KLHL13: variants seen among roughly 807,000 people sequenced by gnomAD.
The protein encoded by KLHL13 is kelch like family member 13.
KLHL13 carries 10 observed loss-of-function variants against 37.1 expected under a neutral mutation model. The ratio of observed to expected loss-of-function variants is 0.27; its 90% CI spans 0.17 to 0.46. The LOEUF (loss-of-function observed/expected upper bound fraction) is 0.46. Among genes scored for constraint, KLHL13 ranks in the 20% least tolerant of loss-of-function variants. The pLI is 1.00. For missense variants in KLHL13, 360 were observed against 509.3 expected (o/e 0.71, Z 2.82); for synonymous variants, 163 against 181.2 (o/e 0.90, Z 0.81).
intron 1 of KLHL13, among the ~76,000 whole-genome samples, chrX:118,010,852 C>A (rs1438381619): frequency 1.8e-5 from 2 of 110,470 alleles, no homozygotes; most frequent in Admixed American, 9.6e-5. Context: ...GTGGGTGAAT[C>A]ACTTGAGCCC....
chrX:117,978,793 C>CT (rs35977053), intron 1 of KLHL13, among the ~76,000 whole-genome samples: 1,853 of 83,601 alleles, frequency 0.022, 21 homozygotes, highest in Non-Finnish European at 0.034. Context: ...TATGGCTTTT[C>CT]TTTTTTTTTT....
chrX:117,909,709 T>G lies in KLHL13; in HGVS notation c.958A>C (p.Met320Leu), dbSNP rs774962583. The change falls in exon 5 of 7, where the codon ATG (methionine) becomes CTG (leucine). Residue 320 changes from methionine to leucine, a missense_variant. Met to Leu is a conservative substitution (Grantham distance 15, BLOSUM62 2). Transcript: ENST00000262820. ...ATAACTGGCTGCATATATGGCATCA[T>G]TTGGTAATTGCTGGCTTCCAAAAGC... 2.5e-6 allele frequency: 3 copies of G among 1,212,220 alleles called. No homozygotes were observed. In the African/African-American group the frequency reaches 5.2e-5, roughly 21 times the overall value.
chrX:117,983,582 T>C (rs1003567278), intron 1 of KLHL13: 2 of 965,208 alleles, frequency 2.1e-6, no homozygotes, highest in Non-Finnish European at 2.8e-6. Flanking sequence ...TGGTTAATTG[T>C]AGTTTTATTA....
At chrX:117,978,346 T>C (rs148985275), upstream of KLHL13, among the ~76,000 whole-genome samples, 163 of 111,862 alleles carry the variant, frequency 1.5e-3, 2 homozygotes, top group African/African-American at 5.1e-3. Context: ...ATCTGTAACA[T>C]TTCCTTAAGA....
chrX:118,031,681 A>T (rs1421207185), intron 1 of KLHL13, among the ~76,000 whole-genome samples: 4 of 101,838 alleles, frequency 3.9e-5, no homozygotes, highest in African/African-American at 1.4e-4. Context: ...TATAACTAAA[A>T]TTTTTAGCCA....
chrX:117,906,285 G>A (rs922525619), intron 5 of KLHL13, among the ~76,000 whole-genome samples: 3 of 111,707 alleles, frequency 2.7e-5, no homozygotes, highest in African/African-American at 6.5e-5. Flanking sequence ...CTGCTATTCT[G>A]CAAAAACAAT....
At chrX:118,041,093 G>A (rs771959175) in intron 1 of KLHL13, among the ~76,000 whole-genome samples, 9 of 112,314 alleles carry the variant, frequency 8.0e-5, no homozygotes, top group Non-Finnish European at 1.7e-4. Flanking sequence ...GAAAGAAAAG[G>A]ATATTATTGA....
chrX:118,054,377 C>T (rs1022533764), intron 1 of KLHL13, among the ~76,000 whole-genome samples: 1 of 111,071 alleles, frequency 9.0e-6, no homozygotes, highest in African/African-American at 3.3e-5. Context: ...CCAAGTAACT[C>T]TTGAAATCTA....
rs2054296400 is a variant in KLHL13 at position 118,028,316 on chromosome X, ATACT to A, written c.-55-82745_-55-82742del. 6 of 477,927 alleles carry A rather than the reference ATACT, an allele frequency of 1.3e-5. No individual in the cohort carries two copies. In the East Asian group the frequency reaches 1.9e-4, roughly 15 times the overall value. 39.4% of individuals were successfully genotyped at this position (477,927 alleles called of 1,213,427 possible). A position where few individuals can be genotyped will look rare whatever the true frequency, so the allele number is the denominator to read the frequency against. On this transcript the variant is annotated intron_variant, in intron 1 of 6. Coordinates refer to the KLHL13 transcript ENST00000371882. The stretch of plus-strand genomic sequence containing the variant: ...ATTCTCTAACTCATTCATACAGTAA[ATACT>A]TACTTTATACCAAGTATTCAACAAA...
chrX:117,934,176 A>G (rs1451239034), intron 2 of KLHL13, among the ~76,000 whole-genome samples: 1 of 111,118 alleles, frequency 9.0e-6, no homozygotes, highest in African/African-American at 3.3e-5. Flanking sequence ...AAAACTACCT[A>G]TTGGGTACTA....
At chrX:117,964,976 C>T (rs1234823063) in intron 1 of KLHL13, among the ~76,000 whole-genome samples, 1 of 111,719 alleles carries the variant, frequency 9.0e-6, no homozygotes, top group Admixed American at 9.5e-5. Context: ...TTTTCTTAAT[C>T]CGGTCTATCA....
chrX:118,040,300 A>G (rs916151210), intron 1 of KLHL13, among the ~76,000 whole-genome samples: 1 of 112,026 alleles, frequency 8.9e-6, no homozygotes, highest in Non-Finnish European at 1.9e-5. Context: ...AGACAGGGAT[A>G]TGTCACATTT....
intron 1 of KLHL13, among the ~76,000 whole-genome samples, chrX:117,963,505 G>T (rs912563490): frequency 2.7e-5 from 3 of 110,462 alleles, no homozygotes; most frequent in African/African-American, 9.9e-5. Context: ...CTTTGCTATT[G>T]TGAATAGTGC....
At chrX:118,064,078 C>G in intron 1 of KLHL13, among the ~76,000 whole-genome samples, 1 of 111,576 alleles carries the variant, frequency 9.0e-6, no homozygotes, top group Non-Finnish European at 1.9e-5. Flanking sequence ...CATTAACTCA[C>G]AGGTAAAATT....
chrX:117,919,810 GTCTTA>G (rs1298743450), intron 3 of KLHL13, 93 bp from the exon 5 acceptor site: 101 of 642,321 alleles, frequency 1.6e-4, no homozygotes, highest in African/African-American at 1.4e-3. Flanking sequence ...TCAAAGGAAA[GTCTTA>G]TCTTATATAA....
rs187521287 is a variant in KLHL13, at chrX:118,045,731, C to T, written c.-56+70777G>A. On this transcript the variant is annotated intron_variant, in intron 1 of 6. Coordinates refer to the KLHL13 transcript ENST00000371882. ...AGCTGACAAGAGAATTGCTTGAACC[C>T]GGGAGGCAGAGATTGCAGTGAGCTG... Among the ~76,000 whole-genome samples the T allele has an allele frequency of 1.4e-3, 160 of 110,792 alleles. 2 individuals carry two copies. The highest frequency in any genetic ancestry group is 5.1e-3 in the African/African-American group (156 of 30,472).
At chrX:118,098,151 A>C (rs1437520399) in intron 1 of KLHL13, among the ~76,000 whole-genome samples, 1 of 111,946 alleles carries the variant, frequency 8.9e-6, no homozygotes, top group Non-Finnish European at 1.9e-5. Context: ...CAACCTACAG[A>C]ATGGGAGAAA....
chrX:117,971,241 A>G (rs1038621311), intron 1 of KLHL13, among the ~76,000 whole-genome samples: 1 of 111,464 alleles, frequency 9.0e-6, no homozygotes, highest in African/African-American at 3.2e-5. Context: ...AACATTAATA[A>G]CCATTATAAT....
intron 1 of KLHL13, among the ~76,000 whole-genome samples, chrX:117,980,270 CAA>C (rs1427082044): frequency 9.0e-6 from 1 of 111,582 alleles, no homozygotes; most frequent in Non-Finnish European, 1.9e-5. Flanking sequence ...TACCAAATCT[CAA>C]AAGACATGCC....
Sources: gnomAD v4.1 joint callset for allele counts (sites outside exome capture counted in the v4.1 genomes callset) on GRCh38, gnomAD v4.1.1 for gene constraint, MANE v1.5 for transcripts, NCBI Gene and HGNC (gene_info 2026-07-23, HGNC 2026-07-21) for gene names.